COA1: variants seen among roughly 807,000 people sequenced by gnomAD.
COA1 encodes the protein cytochrome c oxidase assembly factor 1, also known as cytochrome c oxidase assembly factor 1 homolog.
COA1 carries 13 observed loss-of-function variants against 16.0 expected under a neutral mutation model. The observed-to-expected ratio is 0.81, with a 90% CI of 0.53 to 1.29. The LOEUF is 1.29. Among genes scored for constraint, COA1 ranks in the 50% most tolerant of loss-of-function variants. The probability of loss-of-function intolerance (pLI) is 0.00; values close to 1 mark genes in which losing one functional copy is unlikely to be tolerated. For missense variants in COA1, 179 were observed against 177.0 expected (o/e 1.01, Z -0.06); for synonymous variants, 65 against 65.7 (o/e 0.99, Z 0.05).
intron 1 of COA1, among the ~76,000 whole-genome samples, chr7:43,710,003 A>T (rs1337929087): frequency 1.3e-5 from 2 of 152,158 alleles, no homozygotes; most frequent in Non-Finnish European, 2.9e-5. Flanking sequence ...GCCTAAAAAT[A>T]AAAATAAATG....
intron 6 of COA1, chr7:43,631,461 A>C (rs760855458): frequency 1.3e-5 from 2 of 152,310 alleles, no homozygotes; most frequent in Non-Finnish European, 2.9e-5. Flanking sequence ...CCTGACTTCA[A>C]GTGATCTGCC....
intron 6 of COA1, among the ~76,000 whole-genome samples, chr7:43,613,647 A>G (rs1285769120): frequency 6.6e-6 from 1 of 152,110 alleles, no homozygotes; most frequent in Non-Finnish European, 1.5e-5. Context: ...GTTTGAGACC[A>G]GCCCAGGCAA....
chr7:43,712,271 C>T (rs1359038459), intron 1 of COA1, among the ~76,000 whole-genome samples: 3 of 152,180 alleles, frequency 2.0e-5, no homozygotes, highest in East Asian at 3.9e-4. Flanking sequence ...CACCACCATG[C>T]CCAGCTAATT....
chr7:43,707,907 A>G (rs1008544424), intron 1 of COA1, among the ~76,000 whole-genome samples: 1 of 152,166 alleles, frequency 6.6e-6, no homozygotes, highest in East Asian at 1.9e-4. Context: ...GCATGCATAC[A>G]TTCTGCTTCT....
intron 1 of COA1, among the ~76,000 whole-genome samples, chr7:43,663,494 AT>A (rs1037761446): frequency 2.0e-5 from 3 of 151,858 alleles, no homozygotes; most frequent in East Asian, 3.9e-4. Flanking sequence ...TTCAACACAG[AT>A]TTACTACATC....
chr7:43,618,650 A>T (rs1268823617), intron 6 of COA1, among the ~76,000 whole-genome samples: 1 of 152,136 alleles, frequency 6.6e-6, no homozygotes, highest in Non-Finnish European at 1.5e-5. Context: ...AATTTAATGA[A>T]TTTTACATTC....
At chr7:43,630,471 G>A (rs1031822295) in intron 6 of COA1, among the ~76,000 whole-genome samples, 32 of 152,186 alleles carry the variant, frequency 2.1e-4, no homozygotes, top group African/African-American at 7.7e-4. Flanking sequence ...CTAATAAATT[G>A]TAAGAGAAGT....
chr7:43,727,739 A>T (rs1221162416), intron 1 of COA1, among the ~76,000 whole-genome samples: 1 of 152,242 alleles, frequency 6.6e-6, no homozygotes, highest in Non-Finnish European at 1.5e-5. Flanking sequence ...CTGCTGAATA[A>T]GTACAGGGTT....
At chr7:43,658,401 T>C (rs889299861) in intron 1 of COA1, among the ~76,000 whole-genome samples, 2 of 151,430 alleles carry the variant, frequency 1.3e-5, no homozygotes, top group African/African-American at 4.9e-5. Flanking sequence ...CTCAAAGATG[T>C]GATAAAATGT....
chr7:43,632,565 A>C (rs1248493874), intron 6 of COA1: 1 of 152,264 alleles, frequency 6.6e-6, no homozygotes, highest in Non-Finnish European at 1.5e-5. Flanking sequence ...TTAAATAACA[A>C]GTTTTGAAAG....
chr7:43,645,075 T>C (rs1250408497), intron 4 of COA1, among the ~76,000 whole-genome samples, 176 bp downstream of exon 4: 1 of 152,018 alleles, frequency 6.6e-6, no homozygotes, highest in Non-Finnish European at 1.5e-5. Context: ...ATAAAATATA[T>C]TTTATATAAA....
intron 6 of COA1, among the ~76,000 whole-genome samples, chr7:43,634,058 T>C (rs2085470413): frequency 1.3e-5 from 2 of 152,230 alleles, no homozygotes; most frequent in African/African-American, 4.8e-5. Flanking sequence ...GATTCTGCCA[T>C]CTTCTAAGAC....
At chr7:43,657,124 ATGTG>A (rs2091845226) in intron 1 of COA1, 1 of 152,230 alleles carries the variant, frequency 6.6e-6, no homozygotes, top group Non-Finnish European at 1.5e-5. Context: ...AAAGTACAAC[ATGTG>A]TGTATGTGTT....
chr7:43,702,728 TTG>T (rs1198335692), intron 1 of COA1, among the ~76,000 whole-genome samples: 1 of 152,160 alleles, frequency 6.6e-6, no homozygotes, highest in Non-Finnish European at 1.5e-5. Flanking sequence ...TCGTATCTGA[TTG>T]TGTTTATTTG....
chr7:43,688,743 G>A (rs2094146666), intron 1 of COA1, among the ~76,000 whole-genome samples: 1 of 152,126 alleles, frequency 6.6e-6, no homozygotes, highest in Non-Finnish European at 1.5e-5. Flanking sequence ...TCCACTTCCA[G>A]GCCCAAAATG....
intron 1 of COA1, among the ~76,000 whole-genome samples, chr7:43,718,975 T>A (rs979953085): frequency 1.4e-3 from 6 of 4,208 alleles, no homozygotes; most frequent in South Asian, 0.025. Context: ...GAATCTACAT[T>A]TTTTTTTTTT....
chr7:43,624,896 T>C, intron 6 of COA1: 4 of 1,456,030 alleles, frequency 2.7e-6, no homozygotes, highest in Middle Eastern at 4.6e-4. Flanking sequence ...GTTAATATTA[T>C]TTATGGACCT....
chr7:43,719,784 C>G (rs555657308), intron 1 of COA1, among the ~76,000 whole-genome samples: 1 of 152,260 alleles, frequency 6.6e-6, no homozygotes, highest in African/African-American at 2.4e-5. Context: ...TGCTTACAAA[C>G]AGGTTTCCTT....
chr7:43,643,928 G>T (rs2153078351), intron 4 of COA1, among the ~76,000 whole-genome samples: 1 of 152,268 alleles, frequency 6.6e-6, no homozygotes, highest in African/African-American at 2.4e-5. Flanking sequence ...AAATAATGTA[G>T]GTCGGATCAC....
Sources: allele counts gnomAD v4.1 joint callset (sites outside exome capture counted in the v4.1 genomes callset), GRCh38; gene constraint gnomAD v4.1.1; transcripts MANE v1.5; gene names NCBI Gene and HGNC (gene_info 2026-07-23, HGNC 2026-07-21).